Variants in RP1 observed in about 807,000 individuals in gnomAD.
RP1 encodes the protein RP1 axonemal microtubule associated, also known as oxygen-regulated protein 1.
A neutral mutation model predicts 14.8 loss-of-function variants in RP1; 16 were observed. The ratio of observed to expected loss-of-function variants is 1.08; its 90% CI spans 0.73 to 1.65. The LOEUF (loss-of-function observed/expected upper bound fraction) is 1.65, where lower values mean the gene tolerates loss of function less well. Ranked by LOEUF, RP1 falls within the 40% of genes most tolerant of loss-of-function variation. The pLI is 0.00. For synonymous variants in RP1, 876 were observed against 883.6 expected (o/e 0.99, Z 0.15); for missense variants, 2,631 against 2,535.0 (o/e 1.04, Z -0.81).
intron 1 of RP1, among the ~76,000 whole-genome samples, chr8:54,608,493 G>A (rs1805514320): frequency 1.3e-5 from 2 of 152,070 alleles, no homozygotes; most frequent in South Asian, 2.1e-4. Context: ...GCATGAGATG[G>A]TTTTGCATAT....
chr8:54,599,370 G>C (rs927140267), intron 1 of RP1, among the ~76,000 whole-genome samples: 2 of 151,822 alleles, frequency 1.3e-5, no homozygotes. Context: ...GGAATTGCTT[G>C]TTGAAGTAGT....
intron 1 of RP1, among the ~76,000 whole-genome samples, chr8:54,585,232 AT>A (rs1471314521): frequency 6.6e-6 from 1 of 152,160 alleles, no homozygotes; most frequent in East Asian, 1.9e-4. Flanking sequence ...TCTGTAAAGT[AT>A]TCTATTTCTC....
At chr8:54,675,117 C>G (rs956156006) in intron 8 of RP1, among the ~76,000 whole-genome samples, 1 of 151,996 alleles carries the variant, frequency 6.6e-6, no homozygotes, top group African/African-American at 2.4e-5. Flanking sequence ...ATTATATGCT[C>G]TATGCAAGAG....
chr8:54,631,749 C>T (rs1359711405), downstream of RP1, among the ~76,000 whole-genome samples: 1 of 151,992 alleles, frequency 6.6e-6, no homozygotes, highest in Admixed American at 6.6e-5. Context: ...ATCCTCCATC[C>T]TCAGCTTCTC....
intron 12 of RP1, among the ~76,000 whole-genome samples, chr8:54,685,333 C>T (rs1434532284): frequency 5.3e-5 from 8 of 151,998 alleles, no homozygotes; most frequent in Admixed American, 5.2e-4. Flanking sequence ...TAGCTGTGTC[C>T]CAGAGTTCTG....
At chr8:54,623,255 T>C (rs183404885) in intron 3 of RP1, among the ~76,000 whole-genome samples, 71 of 152,342 alleles carry the variant, frequency 4.7e-4, no homozygotes, top group Non-Finnish European at 6.2e-4. Context: ...TATTATCTTA[T>C]GTCTGATACA....
chr8:54,715,157 G>A (rs1323738843), intron 15 of RP1, among the ~76,000 whole-genome samples: 6 of 152,244 alleles, frequency 3.9e-5, no homozygotes, highest in African/African-American at 4.8e-5. Context: ...ACTAGGAGTT[G>A]TTCTACTGCA....
chr8:54,796,341 T>C (rs753717278), intron 24 of RP1, among the ~76,000 whole-genome samples: 6 of 152,176 alleles, frequency 3.9e-5, no homozygotes, highest in Non-Finnish European at 8.8e-5. Context: ...TTGTATTGTG[T>C]TTGGGAAGCA....
intron 25 of RP1, among the ~76,000 whole-genome samples, chr8:54,838,161 G>A (rs1811706822): frequency 6.6e-6 from 1 of 152,218 alleles, no homozygotes; most frequent in Admixed American, 6.5e-5. Flanking sequence ...TCATCTTTCT[G>A]TAATCTGCTT....
chr8:54,707,013 G>A (rs1473751695), intron 15 of RP1, among the ~76,000 whole-genome samples: 1 of 152,168 alleles, frequency 6.6e-6, no homozygotes, highest in Non-Finnish European at 1.5e-5. Flanking sequence ...TGAGAACCAA[G>A]GTTCTAGAAA....
intron 1 of RP1, among the ~76,000 whole-genome samples, chr8:54,596,711 C>T (rs1347795528): frequency 6.6e-6 from 1 of 152,200 alleles, no homozygotes; most frequent in Admixed American, 6.5e-5. Flanking sequence ...CTCTGTGATA[C>T]TCCTGCTCTA....
rs189522210 is a variant in RP1 at position 54,645,235 on chromosome 8, G to T, written c.788-3750G>T. On this transcript the variant is annotated intron_variant, in intron 3 of 22. Transcript: ENST00000636932. ...TTTTTGTATGTTTTTATTTCTTTGG[G>T]TAGTTTACTACAATGGAATTTCGGG... Among the ~76,000 whole-genome samples, 901 of 152,204 alleles carry T rather than the reference G, an allele frequency of 5.9e-3. 16 individuals carry two copies. The highest frequency in any genetic ancestry group is 7.4e-3 in the Non-Finnish European group (506 of 68,016).
chr8:54,734,938 G>A (rs1192783743), intron 18 of RP1, among the ~76,000 whole-genome samples: 3 of 151,972 alleles, frequency 2.0e-5, no homozygotes, highest in Non-Finnish European at 4.4e-5. Flanking sequence ...ATTCAAGCAA[G>A]GAAAGTTGTA....
chr8:54,678,455 G>A (rs182538406), intron 8 of RP1: 55 of 1,532,094 alleles, frequency 3.6e-5, no homozygotes, highest in Non-Finnish European at 4.4e-5. Context: ...TTTAATTTGT[G>A]TTTAGGAAAT....
chr8:54,695,610 G>C (rs189704403), intron 12 of RP1, among the ~76,000 whole-genome samples: 5 of 152,164 alleles, frequency 3.3e-5, no homozygotes, highest in Non-Finnish European at 5.9e-5. Flanking sequence ...AACACCTTTA[G>C]TTTTCAGATT....
Position 54,630,732 on chromosome 8 carries a change from A to T in RP1, c.*379A>T. 9.6e-7 allele frequency: 1 copy of T among 1,037,258 alleles called. No homozygotes were observed. Among genetic ancestry groups the T allele is most frequent in the South Asian group, 3.4e-5 (1 of 29,016 alleles). 64.3% of individuals were successfully genotyped at this position (1,037,258 alleles called of 1,614,324 possible). A position where few individuals can be genotyped will look rare whatever the true frequency, so the allele number is the denominator to read the frequency against. ...TGTATATTGACTGTATTGGTGAATAAATTGAATAGACATAACCTCAAAGTA... is the reference window on the plus strand; with the variant it reads ...TGTATATTGACTGTATTGGTGAATATATTGAATAGACATAACCTCAAAGTA... On this transcript the variant is annotated 3_prime_UTR_variant, in exon 4 of 4. Transcript: ENST00000220676.
At position 54,661,306 on chromosome 8, in the gene RP1, G is replaced by GAT. The variant is rs67248887; in HGVS notation, c.1172-2378_1172-2377dup. ...TGATATATAAATGATATATATATGA[G>GAT]ATATATATATATATATGAGAAAATT... On this transcript the variant is annotated intron_variant, in intron 6 of 22. Coordinates refer to the RP1 transcript ENST00000636932. Among the ~76,000 whole-genome samples the GAT allele has an allele frequency of 1.5e-3, 118 of 79,258 alleles. 1 individual carries two copies. Among genetic ancestry groups the GAT allele is most frequent in the Non-Finnish European group, 1.4e-3 (63 of 44,856 alleles). 52.0% of individuals were successfully genotyped at this position (79,258 alleles called of 152,430 possible). A position where few individuals can be genotyped will look rare whatever the true frequency, so the allele number is the denominator to read the frequency against.
intron 15 of RP1, among the ~76,000 whole-genome samples, chr8:54,716,063 A>G (rs1179141641): frequency 6.6e-6 from 1 of 152,192 alleles, no homozygotes; most frequent in East Asian, 1.9e-4. Flanking sequence ...TTGGGGAGAT[A>G]GTGGTTTGGG....
downstream of RP1, among the ~76,000 whole-genome samples, chr8:54,772,774 C>T (rs1028324832): frequency 2.6e-5 from 4 of 152,190 alleles, no homozygotes; most frequent in Non-Finnish European, 5.9e-5. Flanking sequence ...TCACTGCCCA[C>T]TGCCCCCAGT....
Sources: gnomAD v4.1 joint callset for allele counts (sites outside exome capture counted in the v4.1 genomes callset) on GRCh38, gnomAD v4.1.1 for gene constraint, MANE v1.5 for transcripts, NCBI Gene and HGNC (gene_info 2026-07-23, HGNC 2026-07-21) for gene names.